PPP2R3A: variants seen among roughly 807,000 people sequenced by gnomAD.
The protein encoded by PPP2R3A is protein phosphatase 2 regulatory subunit B''alpha.
Under a neutral mutation model 106.9 loss-of-function variants are expected in PPP2R3A, and 80 were observed. That is an observed-to-expected ratio of 0.75 (90% CI 0.62 to 0.90). PPP2R3A has a LOEUF of 0.90. Among genes scored for constraint, PPP2R3A ranks in the 40% least tolerant of loss-of-function variants. PPP2R3A has a pLI of 0.00. For synonymous variants in PPP2R3A, 483 were observed against 468.3 expected, an observed-to-expected ratio of 1.03 and a Z score of -0.41; for missense variants, 1,386 against 1,350.4, an observed-to-expected ratio of 1.03 and a Z score of -0.41.
At chr3:135,986,408 A>G (rs1168571189) in intron 1 of PPP2R3A, among the ~76,000 whole-genome samples, 4 of 152,048 alleles carry the variant, frequency 2.6e-5, no homozygotes, top group Non-Finnish European at 5.9e-5. Flanking sequence ...AGCCAGTTAA[A>G]TCCAGTTCTT....
At chr3:135,994,174 A>G (rs1933290110) in intron 1 of PPP2R3A, among the ~76,000 whole-genome samples, 1 of 152,238 alleles carries the variant, frequency 6.6e-6, no homozygotes, top group Non-Finnish European at 1.5e-5. Flanking sequence ...GCTTCACTGT[A>G]AGATGATCAT....
intron 1 of PPP2R3A, among the ~76,000 whole-genome samples, chr3:135,996,061 T>G (rs1933384620): frequency 6.6e-6 from 1 of 152,194 alleles, no homozygotes; most frequent in Admixed American, 6.5e-5. Flanking sequence ...CTAGAGTGCG[T>G]TCAATAAATG....
chr3:135,994,496 C>A (rs1933309909), intron 1 of PPP2R3A, among the ~76,000 whole-genome samples: 2 of 152,138 alleles, frequency 1.3e-5, no homozygotes, highest in Admixed American at 1.3e-4. Context: ...ATCCTCTACC[C>A]TACTCCATTT....
rs1049784877 is a variant in PPP2R3A at position 136,055,906 on chromosome 3, T to C, written c.2469+6545T>C. 4 of 385,660 alleles carry C rather than the reference T, an allele frequency of 1.0e-5. No individual in the cohort carries two copies. The East Asian group carries it at 1.9e-4, about 18-fold the overall frequency. 23.9% of individuals were successfully genotyped at this position (385,660 alleles called of 1,614,324 possible). A position where few individuals can be genotyped will look rare whatever the true frequency, so the allele number is the denominator to read the frequency against. On this transcript the variant is annotated intron_variant, in intron 5 of 13. Transcript: ENST00000264977. Reference sequence around the variant, plus strand: ...AAATCACCATTCCTTAAGAGTAGGCTATGCATAGTGATTTCAGGGTGTGGG... The same window carrying C: ...AAATCACCATTCCTTAAGAGTAGGCCATGCATAGTGATTTCAGGGTGTGGG...
Position 136,001,741 on chromosome 3 carries a change from G to A in PPP2R3A, c.243G>A (p.Ser81=), listed in dbSNP as rs368830192. 2.9e-5 allele frequency: 47 copies of A among 1,613,900 alleles called. No individual in the cohort carries two copies. The highest frequency in any genetic ancestry group is 1.6e-4 in the Middle Eastern group (1 of 6,082). Residue 81 remains serine (S), a synonymous_variant, in exon 2 of 14, where the codon TCG becomes TCA. Coordinates refer to ENST00000264977, the MANE Select transcript of PPP2R3A (RefSeq NM_002718.5). The stretch of plus-strand genomic sequence containing the variant: ...TACCCCATGAAAATGGGCTTTCTTC[G>A]GCTGAAGGAGACTATCCCCAACAGG... ...MFLPHENGLS[S]AEGDYPQQAF...
At chr3:136,108,307 A>G (rs1937547651) in intron 13 of PPP2R3A, among the ~76,000 whole-genome samples, 1 of 152,196 alleles carries the variant, frequency 6.6e-6, no homozygotes, top group Non-Finnish European at 1.5e-5. Context: ...ATTATACTAC[A>G]TGTACCCAGT....
intron 5 of PPP2R3A, among the ~76,000 whole-genome samples, chr3:136,069,640 C>A (rs1936366894): frequency 6.6e-6 from 1 of 151,964 alleles, no homozygotes; most frequent in African/African-American, 2.4e-5. Flanking sequence ...GAAATAAGTC[C>A]ATTGGTTTGA....
rs6439604 is a variant in PPP2R3A at position 135,978,138 on chromosome 3, A to T, written c.-441+12289A>T. Among the ~76,000 whole-genome samples, 818 of 152,320 alleles carry T rather than the reference A, an allele frequency of 5.4e-3. 12 individuals are homozygous for T. Among genetic ancestry groups the T allele is most frequent in the African/African-American group, 0.018 (765 of 41,560 alleles). On this transcript the variant is annotated intron_variant, in intron 1 of 13. Transcript: ENST00000264977. ...AGAGTTATTTCAAAATAAAAAGTTT[A>T]AAAAAATCATTATAAAGTTAGAAAC...
intron 4 of PPP2R3A, among the ~76,000 whole-genome samples, chr3:136,047,728 C>T (rs1298841059): frequency 6.6e-6 from 1 of 151,988 alleles, no homozygotes; most frequent in South Asian, 2.1e-4. Context: ...AGTGAAACCC[C>T]GTCTCTACTA....
rs774519766 is a variant in PPP2R3A at position 136,070,459 on chromosome 3, TG to T, written c.2470-17del. 6.3e-7 allele frequency: 1 copy of T among 1,579,630 alleles called. No homozygotes were observed. The highest frequency in any genetic ancestry group is 8.6e-7 in the Non-Finnish European group (1 of 1,167,092). On this transcript the variant is annotated intron_variant, in intron 5 of 13. Transcript: ENST00000264977. The stretch of plus-strand genomic sequence containing the variant: ...TTTTGTATGTTTGTTAATTTAGTTT[TG>T]GTTTTGATCTTTTTCAGGATGTGGT...
At chr3:136,064,149 G>C (rs1302431376) in intron 5 of PPP2R3A, among the ~76,000 whole-genome samples, 3 of 151,296 alleles carry the variant, frequency 2.0e-5, no homozygotes, top group Non-Finnish European at 2.9e-5. Flanking sequence ...CCATCATTCT[G>C]AGCAAACTAT....
At chr3:136,131,732 A>G (rs1312468360) in intron 13 of PPP2R3A, among the ~76,000 whole-genome samples, 3 of 152,182 alleles carry the variant, frequency 2.0e-5, no homozygotes, top group African/African-American at 4.8e-5. Flanking sequence ...TTGTGGCACT[A>G]TTTGCAATAG....
intron 10 of PPP2R3A, among the ~76,000 whole-genome samples, chr3:136,093,223 A>T (rs1400605515): frequency 6.6e-6 from 1 of 152,216 alleles, no homozygotes; most frequent in Non-Finnish European, 1.5e-5. Flanking sequence ...AGCCTGGGCA[A>T]CATGGTGAAA....
chr3:136,096,352 T>G (rs1957255000), intron 10 of PPP2R3A, among the ~76,000 whole-genome samples: 1 of 152,220 alleles, frequency 6.6e-6, no homozygotes, highest in African/African-American at 2.4e-5. Flanking sequence ...AAGTAATACA[T>G]TCACTAAGGT....
At chr3:136,051,757 A>T (rs1935693871) in intron 5 of PPP2R3A, among the ~76,000 whole-genome samples, 1 of 152,206 alleles carries the variant, frequency 6.6e-6, no homozygotes, top group African/African-American at 2.4e-5. Flanking sequence ...AGATCCAAAA[A>T]CAGTATTACC....
intron 5 of PPP2R3A, among the ~76,000 whole-genome samples, chr3:136,052,187 ACTCT>A (rs1197454250): frequency 1.3e-5 from 2 of 151,406 alleles, no homozygotes; most frequent in African/African-American, 2.4e-5. Context: ...CTCCATCCTC[ACTCT>A]CTCAATCCAT....
At chr3:136,038,321 C>T (rs1328004728) in intron 3 of PPP2R3A, among the ~76,000 whole-genome samples, 1 of 152,094 alleles carries the variant, frequency 6.6e-6, no homozygotes. Flanking sequence ...TTGTTCTGTA[C>T]CCTGTCTCTG....
intron 2 of PPP2R3A, among the ~76,000 whole-genome samples, chr3:136,021,608 A>AT (rs915724457): frequency 4.6e-5 from 7 of 152,036 alleles, no homozygotes; most frequent in African/African-American, 1.2e-4. Flanking sequence ...GTTGTAAGCT[A>AT]TTTTTTTGTT....
In PPP2R3A at chr3:136,003,441, C is replaced by T; in HGVS notation, c.1943C>T (p.Ala648Val). Residue 648 changes from alanine (A) to valine (V), a missense_variant, in exon 2 of 14, where the codon GCC becomes GTC. Coordinates refer to ENST00000264977, the MANE Select transcript of PPP2R3A (RefSeq NM_002718.5). ...TGTAGAAGTCCTGTTGGTGATAAAGCCAAAGATACTACTTCAGCAGTTTTG... is the reference window on the plus strand; with the variant it reads ...TGTAGAAGTCCTGTTGGTGATAAAGTCAAAGATACTACTTCAGCAGTTTTG... The part of the protein sequence containing the change: ...SVCRSPVGDK[A>V]KDTTSAVLIQ... 1 of 1,613,498 alleles carries T rather than the reference C, an allele frequency of 6.2e-7. No homozygotes were observed. Among genetic ancestry groups the T allele is most frequent in the African/African-American group, 1.3e-5 (1 of 74,960 alleles).
Sources: allele counts gnomAD v4.1 joint callset (sites outside exome capture counted in the v4.1 genomes callset), GRCh38; gene constraint gnomAD v4.1.1; transcripts MANE v1.5; gene names NCBI Gene and HGNC (gene_info 2026-07-23, HGNC 2026-07-21).